Variants in THEM4 observed in about 807,000 individuals in gnomAD.
The protein encoded by THEM4 is thioesterase superfamily member 4.
Under a neutral mutation model 25.0 loss-of-function variants are expected in THEM4, and 22 were observed. That is an observed-to-expected ratio of 0.88 (90% CI 0.63 to 1.26). The LOEUF (loss-of-function observed/expected upper bound fraction) is 1.26. Ranked by LOEUF, THEM4 falls within the 50% of genes most tolerant of loss-of-function variation. The pLI is 0.00. For synonymous variants in THEM4, 113 were observed against 105.6 expected (o/e 1.07, Z -0.43); for missense variants, 286 against 300.3 (o/e 0.95, Z 0.35).
intron 5 of THEM4, among the ~76,000 whole-genome samples, chr1:151,876,573 A>C (rs1653683862): frequency 6.6e-6 from 1 of 151,362 alleles, no homozygotes; most frequent in South Asian, 2.1e-4. Flanking sequence ...TCAGCCTCCC[A>C]AGTAGCTGGG....
chr1:151,903,223 C>T (rs914266016), intron 1 of THEM4, among the ~76,000 whole-genome samples: 1 of 152,122 alleles, frequency 6.6e-6, no homozygotes, highest in African/African-American at 2.4e-5. Context: ...TTTAAACCCA[C>T]CCATCTCTCC....
chr1:151,887,110 A>C (rs1382136764), intron 4 of THEM4, among the ~76,000 whole-genome samples: 1 of 152,220 alleles, frequency 6.6e-6, no homozygotes. Context: ...TACACAAACA[A>C]TGACTAATCC....
rs1572086965 is a variant in THEM4 at position 151,909,439 on chromosome 1, G to A, written c.20C>T (p.Ala7Val). The change falls in exon 1 of 6, where the codon GCG becomes GTG. Residue 7 changes from alanine to valine, a missense_variant. Ala to Val is a moderately conservative substitution (Grantham distance 64). Transcript: ENST00000368814. ...CAGAGCCCCCAGCGTGCGGAGGCGC[G>A]CGGCGCAGCTCCTCAGCATGGCTCC... is the stretch of plus-strand genomic sequence containing the variant. Reference protein sequence around the residue: MLRSCAARLRTLGALCL... With the variant: MLRSCAVRLRTLGALCL... 1 of 1,458,630 alleles carries A rather than the reference G, an allele frequency of 6.9e-7. No individual in the cohort carries two copies. The highest frequency in any genetic ancestry group is 1.5e-5 in the African/African-American group (1 of 67,630). 90.4% of individuals were successfully genotyped at this position (1,458,630 alleles called of 1,614,324 possible).
intron 2 of THEM4, among the ~76,000 whole-genome samples, chr1:151,894,417 C>T (rs960452766): frequency 2.0e-5 from 3 of 151,910 alleles, no homozygotes; most frequent in Non-Finnish European, 4.4e-5. Flanking sequence ...AAATACACCA[C>T]AGTAATGTGA....
chr1:151,894,706 C>G, intron 2 of THEM4: 1 of 540,170 alleles, frequency 1.9e-6, no homozygotes, highest in Non-Finnish European at 3.2e-6. Context: ...GATTAGATGA[C>G]AGCCTCAAGA....
At chr1:151,889,411 GGTGA>G (rs766605149) in intron 2 of THEM4, 38 bp from the exon 3 acceptor site, 7 of 1,601,118 alleles carry the variant, frequency 4.4e-6, no homozygotes, top group Non-Finnish European at 6.0e-6. Context: ...GAGAAACAAG[GGTGA>G]GAGAAATGCC....
At chr1:151,906,564 A>C (rs940336498) in intron 1 of THEM4, among the ~76,000 whole-genome samples, 5 of 152,250 alleles carry the variant, frequency 3.3e-5, no homozygotes, top group Admixed American at 3.3e-4. Flanking sequence ...CTGCAGCCCC[A>C]GTGCGAGATC....
chr1:151,877,187 G>A, intron 4 of THEM4, 62 bp from the exon 5 acceptor site: 19 of 1,514,326 alleles, frequency 1.3e-5, no homozygotes, highest in Non-Finnish European at 1.7e-5. Context: ...AACATTAAAA[G>A]ATGATCAAGT....
At chr1:151,888,801 C>T (rs934750496) in intron 3 of THEM4, among the ~76,000 whole-genome samples, 3 of 151,982 alleles carry the variant, frequency 2.0e-5, no homozygotes, top group African/African-American at 7.3e-5. Flanking sequence ...GCACTTCAGC[C>T]TGGGCAAAGG....
intron 1 of THEM4, among the ~76,000 whole-genome samples, chr1:151,899,973 C>T (rs1440723652): frequency 6.6e-6 from 1 of 152,200 alleles, no homozygotes; most frequent in Admixed American, 6.5e-5. Context: ...AGAAACCCTA[C>T]AAGCCAGAAG....
At chr1:151,895,229 G>A in intron 1 of THEM4, 35 bp from the exon 2 acceptor site, 1 of 1,513,502 alleles carries the variant, frequency 6.6e-7, no homozygotes, top group East Asian at 2.3e-5. Flanking sequence ...GTAAGTAATG[G>A]GAGGTGCATT....
chr1:151,886,479 T>A (rs1244427740), intron 4 of THEM4, among the ~76,000 whole-genome samples: 1 of 152,142 alleles, frequency 6.6e-6, no homozygotes, highest in Non-Finnish European at 1.5e-5. Context: ...TATTTGAACA[T>A]GGAAAAATAT....
At chr1:151,887,081 A>T (rs1250570779) in intron 4 of THEM4, among the ~76,000 whole-genome samples, 1 of 152,250 alleles carries the variant, frequency 6.6e-6, no homozygotes, top group Non-Finnish European at 1.5e-5. Flanking sequence ...TCAACACAGA[A>T]AAAGCAGTTG....
intron 1 of THEM4, among the ~76,000 whole-genome samples, chr1:151,900,659 C>T (rs1480359035): frequency 1.3e-5 from 2 of 152,346 alleles, no homozygotes; most frequent in Admixed American, 1.3e-4. Context: ...ATGCACCTAA[C>T]ACTGGAGCTC....
At chr1:151,881,602 A>AC (rs1373160365) in intron 4 of THEM4, among the ~76,000 whole-genome samples, 1 of 152,172 alleles carries the variant, frequency 6.6e-6, no homozygotes, top group Non-Finnish European at 1.5e-5. Context: ...TTTTAGATCG[A>AC]CATTTTCTTT....
intron 4 of THEM4, among the ~76,000 whole-genome samples, chr1:151,885,658 T>A (rs1311461308): frequency 6.6e-6 from 1 of 152,260 alleles, no homozygotes; most frequent in East Asian, 1.9e-4. Context: ...GCTTCTCAAC[T>A]CATGTGTCAT....
chr1:151,888,202 T>G (rs1438251414), intron 4 of THEM4, 71 bp downstream of exon 4: 2 of 1,170,176 alleles, frequency 1.7e-6, no homozygotes, highest in East Asian at 2.5e-5. Flanking sequence ...CAAATTATGG[T>G]GTCAAGATCT....
At chr1:151,896,849 A>G (rs1654237219) in intron 1 of THEM4, among the ~76,000 whole-genome samples, 1 of 152,212 alleles carries the variant, frequency 6.6e-6, no homozygotes, top group Non-Finnish European at 1.5e-5. Flanking sequence ...AGGGAAAAAG[A>G]GAAATACAAG....
At position 151,895,209 on chromosome 1, in the gene THEM4, A is replaced by G. The variant is rs1400222186; in HGVS notation, c.100-15T>C. ...GAAAATGACCTCTAAAAGACAGAAG[A>G]AAAAGAAAAGTAAGTAATGGGAGGT... On this transcript the variant is annotated splice_polypyrimidine_tract_variant and intron_variant, in intron 1 of 5. Coordinates refer to ENST00000368814, the MANE Select transcript of THEM4 (RefSeq NM_053055.5). The G allele has an allele frequency of 8.8e-6, 14 of 1,588,198 alleles. No homozygotes were observed. The highest frequency in any genetic ancestry group is 1.2e-5 in the Non-Finnish European group (14 of 1,172,544).
Sources: allele counts gnomAD v4.1 joint callset (sites outside exome capture counted in the v4.1 genomes callset), GRCh38; gene constraint gnomAD v4.1.1; transcripts MANE v1.5; gene names NCBI Gene and HGNC (gene_info 2026-07-23, HGNC 2026-07-21).